The following MAP3K2 variants were observed in gnomAD, a reference collection of about 807,000 sequenced individuals.
MAP3K2 encodes mitogen-activated protein kinase kinase kinase 2, also known as MAP/ERK kinase kinase 2.
Under a neutral mutation model 80.3 loss-of-function variants are expected in MAP3K2, and 24 were observed. The observed-to-expected ratio is 0.30, with a 90% CI of 0.22 to 0.42. The LOEUF is 0.42. MAP3K2 is among the 10% of genes least tolerant of loss of function. The pLI, the probability that MAP3K2 is intolerant of heterozygous loss-of-function variation, is 1.00. For synonymous variants in MAP3K2, 244 were observed against 253.7 expected, an observed-to-expected ratio of 0.96 and a Z score of 0.36; for missense variants, 608 against 750.1, an observed-to-expected ratio of 0.81 and a Z score of 2.21.
upstream of MAP3K2, chr2:127,388,134 C>T: frequency 1.0e-6 from 1 of 985,154 alleles, no homozygotes; most frequent in Non-Finnish European, 1.2e-6. Context: ...CCACCGCCCC[C>T]ACCGGCCGGA....
intron 1 of MAP3K2, among the ~76,000 whole-genome samples, chr2:127,375,111 ATTG>A (rs1687127463): frequency 6.6e-6 from 1 of 152,218 alleles, no homozygotes; most frequent in Non-Finnish European, 1.5e-5. Context: ...GTCCAAATGA[ATTG>A]TTAACGTGGG....
chr2:127,306,042 T>TA lies in MAP3K2; in HGVS notation c.*1536dup, dbSNP rs1685691259. ...TCAGTTTGTTCCTAAAATGAAGAGT[T>TA]ACCTATGTGGGTGCAATATGCAGCT... On this transcript the variant is annotated 3_prime_UTR_variant, in exon 17 of 17. Coordinates refer to ENST00000682094, the MANE Select transcript of MAP3K2 (RefSeq NM_001371910.2). The surrounding 1 kb of genome is among the most constrained non-coding windows in gnomAD (Gnocchi z 4.7). The TA allele has an allele frequency of 6.6e-6, 1 of 152,062 alleles. No homozygotes were observed. The highest frequency in any genetic ancestry group is 2.4e-5 in the African/African-American group (1 of 41,414). The allele number at this position is 152,062 out of a possible 1,614,324, so 9.4% of individuals were successfully genotyped here. A position where few individuals can be genotyped will look rare whatever the true frequency, so the allele number is the denominator to read the frequency against.
At chr2:127,385,246 C>A (rs1252013058) in intron 1 of MAP3K2, among the ~76,000 whole-genome samples, 1 of 152,116 alleles carries the variant, frequency 6.6e-6, no homozygotes, top group Non-Finnish European at 1.5e-5. Context: ...TTGCCTCAGC[C>A]ATCCCAAACT....
At chr2:127,334,709 G>A (rs1242585259) in intron 5 of MAP3K2, among the ~76,000 whole-genome samples, 2 of 151,460 alleles carry the variant, frequency 1.3e-5, no homozygotes, top group African/African-American at 4.9e-5. Context: ...CTCCCCCGAT[G>A]TGCTGGGATT....
rs1685732502 is a variant in MAP3K2, at chr2:127,307,895, T to C, written c.1635-91A>G. 1.7e-5 allele frequency: 13 copies of C among 769,958 alleles called. No individual in the cohort carries two copies. In the South Asian group the frequency reaches 2.0e-4, roughly 12 times the overall value. The allele number at this position is 769,958 out of a possible 1,614,324, so 47.7% of individuals were successfully genotyped here. ...AAATGAGAAACAGGCATTAAGTCCATATATATTTAAATATGACTTAATTTC... is the reference window on the plus strand; with the variant it reads ...AAATGAGAAACAGGCATTAAGTCCACATATATTTAAATATGACTTAATTTC... On this transcript the variant is annotated intron_variant, in intron 16 of 16. Transcript: ENST00000682094. The surrounding 1 kb of genome is among the most constrained non-coding windows in gnomAD (Gnocchi z 5.4).
intron 5 of MAP3K2, among the ~76,000 whole-genome samples, chr2:127,334,277 A>C (rs1686321268): frequency 1.3e-5 from 2 of 152,078 alleles, no homozygotes; most frequent in African/African-American, 4.8e-5. Flanking sequence ...TTCTTGATAG[A>C]CCTACTAGGC....
chr2:127,376,407 G>A (rs996785926), intron 1 of MAP3K2, among the ~76,000 whole-genome samples: 3 of 152,140 alleles, frequency 2.0e-5, no homozygotes, highest in East Asian at 1.9e-4. Context: ...AATAAATGCC[G>A]GCAGCGCAGG....
intron 5 of MAP3K2, among the ~76,000 whole-genome samples, chr2:127,335,419 A>C (rs1686346210): frequency 6.6e-6 from 1 of 152,188 alleles, no homozygotes; most frequent in African/African-American, 2.4e-5. Context: ...TCACTGCTAG[A>C]GCAAGCCCTT....
chr2:127,319,557 C>T (rs1254236889), intron 12 of MAP3K2, among the ~76,000 whole-genome samples: 1 of 149,082 alleles, frequency 6.7e-6, no homozygotes, highest in African/African-American at 2.5e-5. Flanking sequence ...GTAATCCCAG[C>T]ACTTTGGGAG....
Position 127,312,533 on chromosome 2 carries a change from T to C in MAP3K2, c.1456+2221A>G, listed in dbSNP as rs553796266. ...TTAATTAACTGGGCATGGTGGTGTG[T>C]GCCTGTAGTCTCAGCTACTCAGGAG... On this transcript the variant is annotated intron_variant, in intron 15 of 16. Coordinates refer to ENST00000682094, the MANE Select transcript of MAP3K2 (RefSeq NM_001371910.2). Among the ~76,000 whole-genome samples the C allele has an allele frequency of 4.3e-4, 66 of 152,240 alleles. No individual in the cohort carries two copies. The Middle Eastern group carries it at 0.01, about 24-fold the overall frequency.
At chr2:127,334,313 T>C (rs2104837493) in intron 5 of MAP3K2, among the ~76,000 whole-genome samples, 1 of 152,326 alleles carries the variant, frequency 6.6e-6, no homozygotes, top group East Asian at 1.9e-4. Flanking sequence ...TATTGTAGTC[T>C]TAATGTATCT....
At chr2:127,314,703 C>A (rs1308358636) in intron 15 of MAP3K2, 51 bp downstream of exon 15, 1 of 1,407,700 alleles carries the variant, frequency 7.1e-7, no homozygotes, top group African/African-American at 1.4e-5. Context: ...TTGTTTCATT[C>A]ACATTCACTA....
chr2:127,312,770 C>T (rs529325514), intron 15 of MAP3K2, among the ~76,000 whole-genome samples: 15 of 152,226 alleles, frequency 9.9e-5, no homozygotes, highest in African/African-American at 3.4e-4. Context: ...CGAGACCAGC[C>T]TGACCAACAT....
intron 1 of MAP3K2, among the ~76,000 whole-genome samples, chr2:127,352,690 C>T (rs2104861445): frequency 6.6e-6 from 1 of 151,956 alleles, no homozygotes; most frequent in Admixed American, 6.6e-5. Context: ...CTCTCCCTCT[C>T]CCTCCTCCTC....
intron 5 of MAP3K2, among the ~76,000 whole-genome samples, chr2:127,335,544 T>TCTACA (rs1226072398): frequency 6.6e-6 from 1 of 152,136 alleles, no homozygotes; most frequent in African/African-American, 2.4e-5. Flanking sequence ...TGTAGCCAAG[T>TCTACA]GTAGAGTATG....
chr2:127,388,007 C>G (rs1459816094), upstream of MAP3K2: 4 of 983,704 alleles, frequency 4.1e-6, no homozygotes, highest in Middle Eastern at 5.2e-4. Context: ...GTCACGGCCG[C>G]TCGCTCGTGC....
intron 1 of MAP3K2, among the ~76,000 whole-genome samples, chr2:127,372,510 A>G (rs1397881274): frequency 6.6e-6 from 1 of 152,164 alleles, no homozygotes; most frequent in African/African-American, 2.4e-5. Context: ...CAGAAACAAA[A>G]AATTGTTGGC....
At chr2:127,384,957 T>C (rs1269874083) in intron 1 of MAP3K2, among the ~76,000 whole-genome samples, 6 of 152,164 alleles carry the variant, frequency 3.9e-5, no homozygotes, top group African/African-American at 7.2e-5. Context: ...CTTCTTGAGA[T>C]GGAATCTACT....
At chr2:127,316,190 A>G (rs1008125219) in intron 14 of MAP3K2, among the ~76,000 whole-genome samples, 2 of 152,138 alleles carry the variant, frequency 1.3e-5, no homozygotes, top group Admixed American at 1.3e-4. Flanking sequence ...CCTGGCCAAC[A>G]TGGTGAAACC....
Sources: allele counts gnomAD v4.1 joint callset (sites outside exome capture counted in the v4.1 genomes callset), GRCh38; gene constraint gnomAD v4.1.1; non-coding constraint Gnocchi (gnomAD v3.1); transcripts MANE v1.5; gene names NCBI Gene and HGNC (gene_info 2026-07-23, HGNC 2026-07-21).